PLA1A: variants seen among roughly 807,000 people sequenced by gnomAD.
PLA1A encodes phosphatidylserine-specific phospholipase A1alpha.
PLA1A carries 47 observed loss-of-function variants against 49.4 expected under a neutral mutation model. The observed-to-expected ratio is 0.95, with a 90% CI of 0.75 to 1.21. The LOEUF (loss-of-function observed/expected upper bound fraction) is 1.21, where lower values mean the gene tolerates loss of function less well. PLA1A is among the 50% of genes most tolerant of loss of function. The pLI is 0.00. For synonymous variants in PLA1A, 224 were observed against 207.9 expected, an observed-to-expected ratio of 1.08 and a Z score of -0.67; for missense variants, 561 against 563.9, an observed-to-expected ratio of 0.99 and a Z score of 0.05.
intron 8 of PLA1A, among the ~76,000 whole-genome samples, chr3:119,621,939 C>T (rs1320346420): frequency 6.6e-6 from 1 of 152,106 alleles, no homozygotes; most frequent in Non-Finnish European, 1.5e-5. Context: ...AAGAAGTAGG[C>T]CAGGTGCAGT....
intron 1 of PLA1A, among the ~76,000 whole-genome samples, chr3:119,602,879 G>C (rs780521215): frequency 6.6e-6 from 1 of 152,104 alleles, no homozygotes; most frequent in African/African-American, 2.4e-5. Context: ...CACTTGACAA[G>C]CAAAGACTTG....
In PLA1A at chr3:119,608,911, G is replaced by C; in HGVS notation, c.417G>C (p.Leu139Phe). Residue 139 changes from leucine (L) to phenylalanine (F), a missense_variant, in exon 3 of 11, where the codon TTG becomes TTC. Coordinates refer to ENST00000273371, the MANE Select transcript of PLA1A (RefSeq NM_015900.4). ...CAGCTGTGAAAAATGTGATTAAGTTGAGCCTCGAGATCTCCCTTTTCCTCA... is the reference window on the plus strand; with the variant it reads ...CAGCTGTGAAAAATGTGATTAAGTTCAGCCTCGAGATCTCCCTTTTCCTCA... ...YFSAVKNVIK[L>F]SLEISLFLNK... The C allele has an allele frequency of 6.2e-7, 1 of 1,614,120 alleles. No individual in the cohort carries two copies.
chr3:119,625,211 C>G lies in PLA1A; in HGVS notation c.1100C>G (p.Thr367Ser). 6.2e-7 allele frequency: 1 copy of G among 1,609,638 alleles called. No individual in the cohort carries two copies. The change falls in exon 9 of 11, where the codon ACC (threonine) becomes AGC (serine). Residue 367 changes from threonine to serine, a missense_variant. Thr to Ser is a moderately conservative substitution (Grantham distance 58). Transcript: ENST00000273371. ...IEVTFLSSNITSSSKITIPKQ... is the reference protein window; with the variant it reads ...IEVTFLSSNISSSSKITIPKQ... ...GTTACCTTCCTTAGCAGTAACATCACCTCTTCATCTAAGATCACCATGTAC... is the reference window on the plus strand; with the variant it reads ...GTTACCTTCCTTAGCAGTAACATCAGCTCTTCATCTAAGATCACCATGTAC...
chr3:119,614,953 G>A (rs542248462), intron 5 of PLA1A, among the ~76,000 whole-genome samples: 1 of 152,248 alleles, frequency 6.6e-6, no homozygotes, highest in African/African-American at 2.4e-5. Context: ...GGTGGCTTGG[G>A]CAAAGGTGGT....
chr3:119,618,841 C>T (rs2082889702), intron 7 of PLA1A, among the ~76,000 whole-genome samples: 1 of 152,286 alleles, frequency 6.6e-6, no homozygotes, highest in African/African-American at 2.4e-5. Flanking sequence ...TTCCCGCTAC[C>T]CCTGGCTGCC....
chr3:119,604,374 A>C (rs1304222045), intron 1 of PLA1A, among the ~76,000 whole-genome samples: 2 of 152,230 alleles, frequency 1.3e-5, no homozygotes, highest in Non-Finnish European at 2.9e-5. Context: ...TCAACTAATG[A>C]ATGAATAAAA....
chr3:119,613,697 T>C (rs2082801233), intron 5 of PLA1A, among the ~76,000 whole-genome samples: 1 of 152,102 alleles, frequency 6.6e-6, no homozygotes, highest in African/African-American at 2.4e-5. Context: ...ATCGAGACCA[T>C]CCTGGCTAAC....
rs115314678 is a variant in PLA1A, at chr3:119,629,759, A to T, written c.*291A>T. 9.0e-4 allele frequency: 342 copies of T among 378,154 alleles called. 1 individual carries two copies. Among genetic ancestry groups the T allele is most frequent in the African/African-American group, 6.3e-3 (312 of 49,270 alleles). The allele number at this position is 378,154 out of a possible 1,614,324, so 23.4% of individuals were successfully genotyped here. On this transcript the variant is annotated 3_prime_UTR_variant, in exon 11 of 11. Coordinates refer to ENST00000273371, the MANE Select transcript of PLA1A (RefSeq NM_015900.4). ...CATTCGTACTTAGGATTCAATAGAAACATGTACAGGGTAAACAATTTTTTA... is the reference window on the plus strand; with the variant it reads ...CATTCGTACTTAGGATTCAATAGAATCATGTACAGGGTAAACAATTTTTTA...
chr3:119,619,538 G>C, intron 7 of PLA1A, 25 bp from the exon 8 acceptor site: 1 of 1,543,990 alleles, frequency 6.5e-7, no homozygotes, highest in Non-Finnish European at 9.0e-7. Flanking sequence ...TCAGGACTCT[G>C]CTGTCTTTGC....
intron 8 of PLA1A, among the ~76,000 whole-genome samples, chr3:119,621,520 C>G (rs951508638): frequency 2.0e-5 from 3 of 152,254 alleles, no homozygotes; most frequent in Non-Finnish European, 4.4e-5. Flanking sequence ...CACTCTTGGT[C>G]TGCTTTGACT....
chr3:119,603,232 G>A (rs1328899490), intron 1 of PLA1A, among the ~76,000 whole-genome samples: 1 of 152,144 alleles, frequency 6.6e-6, no homozygotes. Context: ...CAAAAGAGAG[G>A]GCAAGAAATG....
rs55799129 is a variant in PLA1A at position 119,622,155 on chromosome 3, A to G, written c.1012+2503A>G. ...AGGAAGAGGAGGAGGAGGAGGAAGA[A>G]GAAGAAGAAGAAGAAGAAGAAGAAG... On this transcript the variant is annotated intron_variant, in intron 8 of 10. Transcript: ENST00000273371. 2.5e-3 allele frequency among the ~76,000 whole-genome samples: 116 copies of G among 47,250 alleles called. 1 individual carries two copies. The highest frequency in any genetic ancestry group is 0.01 in the African/African-American group (109 of 10,566). The allele number at this position is 47,250 out of a possible 152,430, so 31.0% of individuals were successfully genotyped here.
chr3:119,616,316 G>A (rs976104917), intron 6 of PLA1A, among the ~76,000 whole-genome samples: 4 of 152,200 alleles, frequency 2.6e-5, no homozygotes, highest in African/African-American at 9.7e-5. Flanking sequence ...CACACCAACT[G>A]CATCCTCTAC....
chr3:119,611,722 T>G (rs1253835021), intron 4 of PLA1A, among the ~76,000 whole-genome samples: 1 of 152,242 alleles, frequency 6.6e-6, no homozygotes, highest in Non-Finnish European at 1.5e-5. Context: ...CCTGAGACTT[T>G]GCTGGAGTTG....
At chr3:119,615,861 G>T (rs1016138666) in intron 5 of PLA1A, 151 bp from the exon 6 acceptor site, 3 of 573,304 alleles carry the variant, frequency 5.2e-6, no homozygotes, top group Non-Finnish European at 9.4e-6. Context: ...GAAAAGAAAA[G>T]AAATCTGTCT....
At chr3:119,623,003 A>G (rs185075821) in intron 8 of PLA1A, among the ~76,000 whole-genome samples, 3 of 151,678 alleles carry the variant, frequency 2.0e-5, no homozygotes, top group Admixed American at 2.0e-4. Context: ...ATTTTTTTGT[A>G]TTTTTAGTAG....
rs753726637 is a variant in PLA1A at position 119,625,179 on chromosome 3, C to G, written c.1068C>G (p.Asn356Lys). 22 of 1,613,748 alleles carry G rather than the reference C, an allele frequency of 1.4e-5. No homozygotes were observed. The African/African-American group carries it at 2.7e-4, about 20-fold the overall frequency. Residue 356 changes from asparagine (N) to lysine (K), a missense_variant, in exon 9 of 11, where the codon AAC (asparagine) becomes AAG (lysine). Transcript: ENST00000273371. ...AGGAACTGAGAAACAAGGACACCAA[C>G]ATCGAGGTTACCTTCCTTAGCAGTA... ...HLKELRNKDTNIEVTFLSSNI... is the reference protein window; with the variant it reads ...HLKELRNKDTKIEVTFLSSNI...
At chr3:119,601,239 C>T (rs79383734) in intron 1 of PLA1A, among the ~76,000 whole-genome samples, 2,840 of 152,362 alleles carry the variant, frequency 0.019, 75 homozygotes, top group African/African-American at 0.064. Flanking sequence ...CTACAGAACA[C>T]ACCTGAGACA....
At chr3:119,623,004 T>G (rs1296395181) in intron 8 of PLA1A, among the ~76,000 whole-genome samples, 3 of 152,126 alleles carry the variant, frequency 2.0e-5, no homozygotes, top group Non-Finnish European at 4.4e-5. Context: ...TTTTTTTGTA[T>G]TTTTAGTAGA....
Sources: allele counts gnomAD v4.1 joint callset (sites outside exome capture counted in the v4.1 genomes callset), GRCh38; gene constraint gnomAD v4.1.1; transcripts MANE v1.5; gene names NCBI Gene and HGNC (gene_info 2026-07-23, HGNC 2026-07-21).